PTCSC3: variants seen among roughly 807,000 people sequenced by gnomAD.
The protein encoded by PTCSC3 is papillary thyroid carcinoma susceptibility candidate 3, also known as papillary thyroid carcinoma susceptibility candidate 3 (non-protein coding).
intron 2 of PTCSC3, among the ~76,000 whole-genome samples, chr14:36,156,149 G>C (rs1270185634): frequency 6.6e-6 from 1 of 152,172 alleles, no homozygotes; most frequent in Non-Finnish European, 1.5e-5. Flanking sequence ...GTAAGTTTTT[G>C]TACATCACCG....
chr14:36,156,442 C>T lies in PTCSC3; in HGVS notation n.232-2548G>A, dbSNP rs926655246. On this transcript the variant is annotated intron_variant and non_coding_transcript_variant, in intron 2 of 3. Coordinates refer to ENST00000556013, the Ensembl canonical transcript of PTCSC3. Reference sequence around the variant, plus strand: ...TACTTGTCACTCATCTTCATTCATTCCTTTTTCTTTTTCAAATTATACTCT... The same window carrying T: ...TACTTGTCACTCATCTTCATTCATTTCTTTTTCTTTTTCAAATTATACTCT... Among the ~76,000 whole-genome samples, 11 of 150,326 alleles carry T rather than the reference C, an allele frequency of 7.3e-5. No homozygotes were observed. The South Asian group carries it at 1.5e-3, about 20-fold the overall frequency.
At chr14:36,168,378 T>A (rs1386897562) in intron 1 of PTCSC3, among the ~76,000 whole-genome samples, 1 of 143,468 alleles carries the variant, frequency 7.0e-6, no homozygotes, top group East Asian at 2.0e-4. Flanking sequence ...TATATATATA[T>A]ATATATATAT....
chr14:36,143,975 G>T (rs1460909921), intron 3 of PTCSC3, among the ~76,000 whole-genome samples: 1 of 152,130 alleles, frequency 6.6e-6, no homozygotes, highest in Non-Finnish European at 1.5e-5. Flanking sequence ...TTGTAGTTAT[G>T]TGGCGTTACT....
chr14:36,135,979 C>A (rs1256933873), downstream of PTCSC3: 1 of 152,066 alleles, frequency 6.6e-6, no homozygotes, highest in Non-Finnish European at 1.5e-5. Context: ...ATCATAAGGT[C>A]CCACAATAGG....
At chr14:36,156,280 A>G (rs1881823954) in intron 2 of PTCSC3, among the ~76,000 whole-genome samples, 1 of 152,194 alleles carries the variant, frequency 6.6e-6, no homozygotes, top group Non-Finnish European at 1.5e-5. Flanking sequence ...ATGCATGCAC[A>G]CACGCTGATG....
At chr14:36,139,113 C>CAAAAA (rs1396431052) in intron 3 of PTCSC3, among the ~76,000 whole-genome samples, 2 of 73,848 alleles carry the variant, frequency 2.7e-5, no homozygotes, top group African/African-American at 8.6e-5. Flanking sequence ...GACTCCATCT[C>CAAAAA]AAAAATAAAA....
At chr14:36,142,481 G>T (rs1331203352) in intron 3 of PTCSC3, among the ~76,000 whole-genome samples, 1 of 152,226 alleles carries the variant, frequency 6.6e-6, no homozygotes, top group East Asian at 1.9e-4. Flanking sequence ...GTATTAAGGT[G>T]ATACTGGCCT....
intron 1 of PTCSC3, among the ~76,000 whole-genome samples, chr14:36,174,582 A>G (rs1310642272): frequency 6.6e-6 from 1 of 151,992 alleles, no homozygotes; most frequent in Non-Finnish European, 1.5e-5. Context: ...TGGTTGTTTC[A>G]TATTTGAGGT....
intron 1 of PTCSC3, among the ~76,000 whole-genome samples, chr14:36,168,035 CA>C (rs201125185): frequency 0.016 from 2,370 of 152,178 alleles, 31 homozygotes; most frequent in South Asian, 0.043. Flanking sequence ...ATGTGAATTG[CA>C]ATCCTTTTGA....
At chr14:36,172,839 G>A (rs531650501) in intron 1 of PTCSC3, among the ~76,000 whole-genome samples, 1 of 152,084 alleles carries the variant, frequency 6.6e-6, no homozygotes, top group East Asian at 1.9e-4. Flanking sequence ...AAGCCTCCCA[G>A]CCCTCTGAAT....
At chr14:36,167,769 T>G (rs1286239369) in intron 1 of PTCSC3, among the ~76,000 whole-genome samples, 1 of 152,126 alleles carries the variant, frequency 6.6e-6, no homozygotes, top group Non-Finnish European at 1.5e-5. Context: ...GGAAACCTCA[T>G]AGTCTGCCCG....
At chr14:36,170,846 G>A (rs1045307629) in intron 1 of PTCSC3, among the ~76,000 whole-genome samples, 1 of 152,100 alleles carries the variant, frequency 6.6e-6, no homozygotes, top group East Asian at 1.9e-4. Context: ...GACCCTGGGC[G>A]GTTGGCACAG....
chr14:36,165,454 T>A (rs1408230832), intron 1 of PTCSC3, among the ~76,000 whole-genome samples: 1 of 152,074 alleles, frequency 6.6e-6, no homozygotes, highest in Non-Finnish European at 1.5e-5. Flanking sequence ...TGAGATTATT[T>A]TCACTTTGAC....
At chr14:36,160,582 C>A (rs890464570) in intron 2 of PTCSC3, among the ~76,000 whole-genome samples, 1 of 152,162 alleles carries the variant, frequency 6.6e-6, no homozygotes. Context: ...GGGTTTCTGC[C>A]AAGACATCCA....
intron 1 of PTCSC3, chr14:36,164,317 A>C (rs1158031998): frequency 6.6e-6 from 1 of 152,196 alleles, no homozygotes; most frequent in Non-Finnish European, 1.5e-5. Context: ...TAGAGTTTTT[A>C]CTTAGGAGAA....
intron 3 of PTCSC3, among the ~76,000 whole-genome samples, chr14:36,150,300 T>A (rs1305710790): frequency 6.6e-6 from 1 of 152,128 alleles, no homozygotes; most frequent in African/African-American, 2.4e-5. Flanking sequence ...ATTATTGCCT[T>A]TATAAAGAGG....
intron 2 of PTCSC3, among the ~76,000 whole-genome samples, chr14:36,154,580 G>A (rs1398802388): frequency 6.6e-6 from 1 of 152,140 alleles, no homozygotes; most frequent in Non-Finnish European, 1.5e-5. Flanking sequence ...GATGGGTTGG[G>A]GAGAGGTAAG....
At chr14:36,160,450 T>C (rs1384638365) in intron 2 of PTCSC3, among the ~76,000 whole-genome samples, 2 of 152,194 alleles carry the variant, frequency 1.3e-5, no homozygotes, top group East Asian at 3.8e-4. Context: ...AGCATTTGCT[T>C]GTCTGTAAAG....
intron 2 of PTCSC3, among the ~76,000 whole-genome samples, chr14:36,157,949 G>T (rs2057714319): frequency 6.6e-6 from 1 of 152,124 alleles, no homozygotes; most frequent in African/African-American, 2.4e-5. Flanking sequence ...GTGGTTTGTA[G>T]TTCTCCTTGA....
Sources: allele counts gnomAD v4.1 joint callset (sites outside exome capture counted in the v4.1 genomes callset), GRCh38; gene constraint gnomAD v4.1.1; transcripts MANE v1.5; gene names NCBI Gene and HGNC (gene_info 2026-07-23, HGNC 2026-07-21).